Variants in EEPD1 observed in about 807,000 individuals in gnomAD.
EEPD1 encodes the protein endonuclease/exonuclease/phosphatase family domain containing 1.
EEPD1 carries 17 observed loss-of-function variants against 46.3 expected under a neutral mutation model. That is an observed-to-expected ratio of 0.37 (90% CI 0.25 to 0.55). The LOEUF (loss-of-function observed/expected upper bound fraction) is 0.55, where lower values mean the gene tolerates loss of function less well. Among genes scored for constraint, EEPD1 ranks in the 20% least tolerant of loss-of-function variants. The pLI, the probability that EEPD1 is intolerant of heterozygous loss-of-function variation, is 0.83. For missense variants in EEPD1, 673 were observed against 745.6 expected (o/e 0.90, Z 1.13); for synonymous variants, 313 against 315.6 (o/e 0.99, Z 0.09).
chr7:36,224,049 T>G lies in EEPD1; in HGVS notation c.879-14936T>G, dbSNP rs114227486. On this transcript the variant is annotated intron_variant, in intron 2 of 7. Transcript: ENST00000242108. ...CCTAGTCTACTTTAGTTTTATCTCC[T>G]GCAGTTAAGCCAAGTCATTAACTTT... Among the ~76,000 whole-genome samples, 715 of 152,380 alleles carry G rather than the reference T, an allele frequency of 4.7e-3. 2 individuals carry two copies. The highest frequency in any genetic ancestry group is 0.016 in the African/African-American group (681 of 41,584).
In EEPD1 at chr7:36,193,940, C is replaced by T. The variant is rs1356521963; in HGVS notation, c.878+38738C>T. The stretch of plus-strand genomic sequence containing the variant: ...TTGAGAGTTCAGGAGCCTCTTATCC[C>T]CATTTGCATCCTCAGAGCCCTGCAG... On this transcript the variant is annotated intron_variant, in intron 2 of 7. Transcript: ENST00000242108. This position sits in a 1 kb window ranked among gnomAD's most constrained non-coding sequence, Gnocchi z 4.9. 6.6e-6 allele frequency among the ~76,000 whole-genome samples: 1 copy of T among 152,152 alleles called. No individual in the cohort carries two copies. Among genetic ancestry groups the T allele is most frequent in the African/African-American group, 2.4e-5 (1 of 41,428 alleles).
chr7:36,190,342 A>G (rs1343097624), intron 2 of EEPD1, among the ~76,000 whole-genome samples: 1 of 152,098 alleles, frequency 6.6e-6, no homozygotes, highest in East Asian at 1.9e-4. Context: ...ACTGCACTCC[A>G]GCCTGGGCAA....
In EEPD1 at chr7:36,177,864, C is replaced by T. The variant is rs571470612; in HGVS notation, c.878+22662C>T. 3.3e-5 allele frequency among the ~76,000 whole-genome samples: 5 copies of T among 152,248 alleles called. No individual in the cohort carries two copies. The South Asian group carries it at 1.0e-3, about 32-fold the overall frequency. On this transcript the variant is annotated intron_variant, in intron 2 of 7. Coordinates refer to ENST00000242108, the MANE Select transcript of EEPD1 (RefSeq NM_030636.3). ...GAGTAGCTAGGATTACGGGTGCGCA[C>T]CTCCATGCCCGGCTATGTTTTGCAT...
At chr7:36,172,900 G>T (rs1197836043) in intron 2 of EEPD1, among the ~76,000 whole-genome samples, 2 of 151,004 alleles carry the variant, frequency 1.3e-5, no homozygotes, top group Admixed American at 6.6e-5. Flanking sequence ...AGGCTGGGGG[G>T]TGGGGAGGGC....
intron 3 of EEPD1, among the ~76,000 whole-genome samples, chr7:36,250,565 T>G (rs1473309576): frequency 2.6e-5 from 4 of 152,206 alleles, no homozygotes; most frequent in African/African-American, 9.7e-5. Context: ...CTGTGGCTGC[T>G]TTTACACTAT....
At chr7:36,278,622 C>T (rs1791434239) in intron 3 of EEPD1, among the ~76,000 whole-genome samples, 1 of 152,152 alleles carries the variant, frequency 6.6e-6, no homozygotes, top group South Asian at 2.1e-4. Context: ...CAGCTGGGCA[C>T]TGGAGAGCTG....
intron 3 of EEPD1, among the ~76,000 whole-genome samples, chr7:36,258,834 T>G (rs1192658518): frequency 1.4e-4 from 20 of 145,424 alleles, no homozygotes; most frequent in Non-Finnish European, 2.7e-4. Flanking sequence ...GAGTGAACGG[T>G]GAACGGTGAA....
intron 3 of EEPD1, among the ~76,000 whole-genome samples, chr7:36,256,120 T>C (rs1392431826): frequency 1.3e-5 from 2 of 152,204 alleles, no homozygotes; most frequent in African/African-American, 2.4e-5. Flanking sequence ...TCAGTTCCCA[T>C]GTAGCTGTGT....
chr7:36,266,356 A>T (rs1216494740), intron 3 of EEPD1, among the ~76,000 whole-genome samples: 1 of 152,146 alleles, frequency 6.6e-6, no homozygotes, highest in Non-Finnish European at 1.5e-5. Context: ...ACCATATGTG[A>T]AGAGACGTTT....
At chr7:36,242,321 C>T (rs1786568049) in intron 3 of EEPD1, among the ~76,000 whole-genome samples, 1 of 152,062 alleles carries the variant, frequency 6.6e-6, no homozygotes, top group African/African-American at 2.4e-5. Context: ...CCCGAGTCTG[C>T]TGATGATTTT....
chr7:36,296,692 G>GTTTTT (rs1325528021), intron 6 of EEPD1, among the ~76,000 whole-genome samples: 1 of 99,876 alleles, frequency 1.0e-5, no homozygotes, highest in African/African-American at 4.1e-5. Context: ...AGACCCTTAG[G>GTTTTT]TCTTTTTTTT....
chr7:36,239,168 C>T lies in EEPD1; in HGVS notation c.930+132C>T, dbSNP rs558195988. ...GTCAGTTATTTTGTATTCCTGACAGCGAATCATGCAGAATTTTAATCTGAG... is the reference window on the plus strand; with the variant it reads ...GTCAGTTATTTTGTATTCCTGACAGTGAATCATGCAGAATTTTAATCTGAG... On this transcript the variant is annotated intron_variant, in intron 3 of 7. Coordinates refer to ENST00000242108, the MANE Select transcript of EEPD1 (RefSeq NM_030636.3). 9.7e-4 allele frequency: 869 copies of T among 892,926 alleles called. 6 individuals are homozygous for T. Among genetic ancestry groups the T allele is most frequent in the South Asian group, 8.4e-3 (552 of 65,668 alleles). 55.3% of individuals were successfully genotyped at this position (892,926 alleles called of 1,614,324 possible).
rs936652395 is a variant in EEPD1 at position 36,156,802 on chromosome 7, A to G, written c.878+1600A>G. Among the ~76,000 whole-genome samples, 7 of 152,308 alleles carry G rather than the reference A, an allele frequency of 4.6e-5. No individual in the cohort carries two copies. The East Asian group carries it at 5.8e-4, about 13-fold the overall frequency. ...CTCCAGGTGGTTCTGATGCACACTA[A>G]AGTTTGAGAACCATTGTACTAGGTG... On this transcript the variant is annotated intron_variant, in intron 2 of 7. Transcript: ENST00000242108.
intron 3 of EEPD1, 47 bp downstream of exon 3, chr7:36,239,083 G>T: frequency 6.3e-7 from 1 of 1,583,850 alleles, no homozygotes; most frequent in Non-Finnish European, 8.6e-7. Flanking sequence ...AAGAACGGAG[G>T]GCCACACATA....
At chr7:36,223,577 A>T (rs1009830899) in intron 2 of EEPD1, among the ~76,000 whole-genome samples, 1 of 152,224 alleles carries the variant, frequency 6.6e-6, no homozygotes, top group Non-Finnish European at 1.5e-5. Context: ...GTAGATGCGT[A>T]GTAAATATTT....
intron 3 of EEPD1, among the ~76,000 whole-genome samples, chr7:36,278,830 A>G (rs1003403993): frequency 2.0e-5 from 3 of 152,192 alleles, no homozygotes; most frequent in African/African-American, 7.2e-5. Flanking sequence ...GCATCTGGCC[A>G]GGGGGACTTA....
Position 36,160,683 on chromosome 7 carries a change from C to T in EEPD1, c.878+5481C>T, listed in dbSNP as rs58049112. On this transcript the variant is annotated intron_variant, in intron 2 of 7. Transcript: ENST00000242108. Reference sequence around the variant, plus strand: ...CTGACTGCTGGGAGGTGGTGGGGGGCGGGGCGTGCATGGAGAGGGTCCTGG... The same window carrying T: ...CTGACTGCTGGGAGGTGGTGGGGGGTGGGGCGTGCATGGAGAGGGTCCTGG... Among the ~76,000 whole-genome samples, 39 of 126,468 alleles carry T rather than the reference C, an allele frequency of 3.1e-4. 2 individuals carry two copies. Among genetic ancestry groups the T allele is most frequent in the Non-Finnish European group, 5.8e-4 (34 of 59,130 alleles). 83.0% of individuals were successfully genotyped at this position (126,468 alleles called of 152,430 possible). A position where few individuals can be genotyped will look rare whatever the true frequency, so the allele number is the denominator to read the frequency against.
intron 2 of EEPD1, among the ~76,000 whole-genome samples, chr7:36,230,410 G>A (rs985478805): frequency 3.9e-5 from 6 of 152,134 alleles, no homozygotes; most frequent in Non-Finnish European, 8.8e-5. Context: ...GACCCTCTGA[G>A]CAGGGCCAGC....
chr7:36,204,274 G>A (rs115836339), intron 2 of EEPD1, among the ~76,000 whole-genome samples: 2,486 of 152,020 alleles, frequency 0.016, 69 homozygotes, highest in African/African-American at 0.057. Context: ...GGCCTCAAGC[G>A]ATCCTCCCAC....
Sources: allele counts gnomAD v4.1 joint callset (sites outside exome capture counted in the v4.1 genomes callset), GRCh38; gene constraint gnomAD v4.1.1; non-coding constraint Gnocchi (gnomAD v3.1); transcripts MANE v1.5; gene names NCBI Gene and HGNC (gene_info 2026-07-23, HGNC 2026-07-21).